The following OR7E24 variants were observed in gnomAD, a reference collection of about 807,000 sequenced individuals.
OR7E24 encodes olfactory receptor 7E24.
For synonymous variants in OR7E24, 130 were observed against 157.5 expected, an observed-to-expected ratio of 0.83 and a Z score of 1.31; for missense variants, 385 against 410.3, an observed-to-expected ratio of 0.94 and a Z score of 0.53.
At chr19:9,228,978 C>T in the OR7E24 span, among the ~76,000 whole-genome samples, 5 of 152,146 alleles carry the variant, frequency 3.3e-5, no homozygotes, top group African/African-American at 1.2e-4. Context: ...GTATGTCCCT[C>T]GCCGTAATGG....
At chr19:9,237,455 C>T in the OR7E24 span, among the ~76,000 whole-genome samples, 9 of 151,912 alleles carry the variant, frequency 5.9e-5, no homozygotes, top group Non-Finnish European at 8.8e-5. Flanking sequence ...GGACTACAGG[C>T]GCCCCCCACC....
At chr19:9,226,173 G>A in the OR7E24 span, among the ~76,000 whole-genome samples, 8 of 152,236 alleles carry the variant, frequency 5.3e-5, no homozygotes, top group African/African-American at 1.9e-4. Flanking sequence ...CTCTAGAAGG[G>A]CTAAGCCTTG....
At chr19:9,250,024 T>G (rs1435246093), upstream of OR7E24, among the ~76,000 whole-genome samples, 2 of 152,182 alleles carry the variant, frequency 1.3e-5, no homozygotes, top group Non-Finnish European at 2.9e-5. Context: ...ACAGGTACGT[T>G]GCACACTATC....
At chr19:9,225,456 G>T in the OR7E24 span, among the ~76,000 whole-genome samples, 2 of 148,680 alleles carry the variant, frequency 1.3e-5, no homozygotes, top group African/African-American at 2.5e-5. Context: ...AAGAGAGGGA[G>T]GGAGGGAGGG....
chr19:9,236,377 G>T, the OR7E24 span, among the ~76,000 whole-genome samples: 6 of 152,110 alleles, frequency 3.9e-5, no homozygotes, highest in Admixed American at 1.3e-4. Context: ...GGGCGTGGTG[G>T]CACACGCCTG....
the OR7E24 span, among the ~76,000 whole-genome samples, chr19:9,228,914 G>A: frequency 6.6e-6 from 1 of 152,184 alleles, no homozygotes; most frequent in Admixed American, 6.5e-5. Flanking sequence ...TATGTTATGT[G>A]TGGTTATCAC....
chr19:9,226,392 G>A, the OR7E24 span, among the ~76,000 whole-genome samples: 1 of 152,184 alleles, frequency 6.6e-6, no homozygotes. Context: ...GGCTGGAACG[G>A]GACCGCACAT....
At chr19:9,219,708 T>C in the OR7E24 span, 1 of 152,236 alleles carries the variant, frequency 6.6e-6, no homozygotes, top group South Asian at 2.1e-4. Flanking sequence ...CCTTATTAAA[T>C]AAATTGTTCT....
At chr19:9,206,489 C>G in the OR7E24 span, 1 of 152,182 alleles carries the variant, frequency 6.6e-6, no homozygotes, top group Non-Finnish European at 1.5e-5. Flanking sequence ...CCTTTAGTTT[C>G]CGAGCAATGA....
At chr19:9,231,335 A>T in the OR7E24 span, among the ~76,000 whole-genome samples, 2 of 151,780 alleles carry the variant, frequency 1.3e-5, no homozygotes, top group African/African-American at 4.8e-5. Flanking sequence ...TAATCCCAGC[A>T]CTTTGGGAGG....
chr19:9,218,835 T>C, the OR7E24 span, among the ~76,000 whole-genome samples: 2 of 152,122 alleles, frequency 1.3e-5, no homozygotes, highest in Non-Finnish European at 2.9e-5. Context: ...GGTTTTGCCA[T>C]GTTAGCCAGG....
the OR7E24 span, chr19:9,214,949 C>T: frequency 3.9e-5 from 25 of 642,144 alleles, no homozygotes; most frequent in Non-Finnish European, 6.5e-5. Context: ...ACATTTGTCA[C>T]CCTTCCTGGA....
At chr19:9,221,778 G>T in the OR7E24 span, among the ~76,000 whole-genome samples, 2 of 151,966 alleles carry the variant, frequency 1.3e-5, no homozygotes, top group Non-Finnish European at 2.9e-5. Context: ...TCTGTAGTTT[G>T]TCTCTTCACT....
upstream of OR7E24, among the ~76,000 whole-genome samples, chr19:9,247,755 G>A (rs77646034): frequency 0.053 from 8,036 of 152,192 alleles, 428 homozygotes; most frequent in African/African-American, 0.14. Context: ...ACTTCTCTAT[G>A]GTTTCACCAA....
At chr19:9,244,371 T>C (rs913025735), upstream of OR7E24, among the ~76,000 whole-genome samples, 4 of 151,912 alleles carry the variant, frequency 2.6e-5, no homozygotes, top group Non-Finnish European at 5.9e-5. Flanking sequence ...AATGGAAGAG[T>C]AAAGAGAGCC....
chr19:9,209,239 C>G, the OR7E24 span: 12 of 152,100 alleles, frequency 7.9e-5, no homozygotes, highest in African/African-American at 2.9e-4. Flanking sequence ...ATATATTGGG[C>G]TCTTAAACGT....
At chr19:9,223,737 T>C in the OR7E24 span, among the ~76,000 whole-genome samples, 5 of 140,460 alleles carry the variant, frequency 3.6e-5, no homozygotes, top group African/African-American at 1.2e-4. Flanking sequence ...TTCTCTTCTT[T>C]TTTTTTTTTT....
chr19:9,228,628 C>G, the OR7E24 span, among the ~76,000 whole-genome samples: 1 of 152,102 alleles, frequency 6.6e-6, no homozygotes, highest in Admixed American at 6.6e-5. Flanking sequence ...TCCATGTCAC[C>G]AGAAAATGTC....
chr19:9,207,764 G>A, the OR7E24 span: 3 of 152,134 alleles, frequency 2.0e-5, no homozygotes, highest in African/African-American at 7.2e-5. Flanking sequence ...TGGGGCTCTT[G>A]AAGTTATTGC....
Sources: gnomAD v4.1 joint callset for allele counts (sites outside exome capture counted in the v4.1 genomes callset) on GRCh38, gnomAD v4.1.1 for gene constraint, MANE v1.5 for transcripts, NCBI Gene and HGNC (gene_info 2026-07-23, HGNC 2026-07-21) for gene names.